ADGRL3: variants seen among roughly 807,000 people sequenced by gnomAD.
ADGRL3 encodes adhesion G protein-coupled receptor L3.
ADGRL3 carries 62 observed loss-of-function variants against 153.5 expected under a neutral mutation model. That is an observed-to-expected ratio of 0.40 (90% CI 0.33 to 0.50). The LOEUF (loss-of-function observed/expected upper bound fraction) is 0.50, where lower values mean the gene tolerates loss of function less well. Among genes scored for constraint, ADGRL3 ranks in the 20% least tolerant of loss-of-function variants. The pLI is 0.47. For synonymous variants in ADGRL3, 710 were observed against 672.5 expected, an observed-to-expected ratio of 1.06 and a Z score of -0.86; for missense variants, 1,641 against 1,859.4, an observed-to-expected ratio of 0.88 and a Z score of 2.16.
intron 1 of ADGRL3, among the ~76,000 whole-genome samples, chr4:61,208,790 A>G (rs1204338893): frequency 2.0e-5 from 3 of 152,160 alleles, no homozygotes; most frequent in Non-Finnish European, 2.9e-5. Flanking sequence ...TAGAGAGGAA[A>G]TCACTTTTCT....
chr4:61,625,470 C>T (rs1414030327), intron 5 of ADGRL3, among the ~76,000 whole-genome samples: 1 of 151,770 alleles, frequency 6.6e-6, no homozygotes, highest in East Asian at 1.9e-4. Flanking sequence ...ACATTCATAC[C>T]AACATGAATT....
intron 5 of ADGRL3, among the ~76,000 whole-genome samples, chr4:61,669,106 T>C (rs2094905407): frequency 6.6e-6 from 1 of 152,220 alleles, no homozygotes; most frequent in South Asian, 2.1e-4. Flanking sequence ...GTGGACAACG[T>C]CATTAAACTT....
chr4:61,405,825 T>C (rs1018824242), intron 2 of ADGRL3, among the ~76,000 whole-genome samples: 1 of 151,936 alleles, frequency 6.6e-6, no homozygotes, highest in Admixed American at 6.6e-5. Flanking sequence ...TGCGTAGTGG[T>C]CAGCCACAAT....
At chr4:61,510,210 G>T (rs1320849615) in intron 3 of ADGRL3, among the ~76,000 whole-genome samples, 1 of 152,258 alleles carries the variant, frequency 6.6e-6, no homozygotes, top group Non-Finnish European at 1.5e-5. Flanking sequence ...TCTGTGGGTT[G>T]TCTGTTTACT....
intron 8 of ADGRL3, among the ~76,000 whole-genome samples, chr4:61,794,729 T>G (rs1373787346): frequency 6.6e-6 from 1 of 152,200 alleles, no homozygotes; most frequent in Non-Finnish European, 1.5e-5. Context: ...ATTGACTGAC[T>G]TAAAGAATAG....
At chr4:61,801,809 A>G (rs1415241743) in intron 8 of ADGRL3, among the ~76,000 whole-genome samples, 1 of 152,170 alleles carries the variant, frequency 6.6e-6, no homozygotes, top group Non-Finnish European at 1.5e-5. Flanking sequence ...ACACAACAGT[A>G]CCTCAAACAT....
intron 1 of ADGRL3, among the ~76,000 whole-genome samples, chr4:61,231,298 G>A (rs534473984): frequency 1.2e-4 from 19 of 152,028 alleles, no homozygotes; most frequent in Admixed American, 3.3e-4. Flanking sequence ...TTATACTTGC[G>A]GATGTCACTG....
At chr4:61,924,647 C>G (rs751299116) in intron 13 of ADGRL3, among the ~76,000 whole-genome samples, 1 of 152,120 alleles carries the variant, frequency 6.6e-6, no homozygotes, top group South Asian at 2.1e-4. Flanking sequence ...AAACACATGC[C>G]GTTTTAAGGT....
At chr4:61,432,645 T>C (rs1467271674) in intron 2 of ADGRL3, among the ~76,000 whole-genome samples, 3 of 80,760 alleles carry the variant, frequency 3.7e-5, no homozygotes, top group African/African-American at 1.0e-4. Context: ...TTTCTTTCTT[T>C]CTTTCTTTCT....
chr4:61,800,886 A>G (rs961525549), intron 8 of ADGRL3, among the ~76,000 whole-genome samples: 2 of 152,184 alleles, frequency 1.3e-5, no homozygotes, highest in African/African-American at 2.4e-5. Flanking sequence ...TTTTCTTTAA[A>G]GGTACACTTT....
At chr4:61,389,963 TA>T (rs2096783314) in intron 2 of ADGRL3, among the ~76,000 whole-genome samples, 2 of 152,170 alleles carry the variant, frequency 1.3e-5, no homozygotes, top group South Asian at 4.1e-4. Flanking sequence ...AAATGGAGTG[TA>T]TACAAAACAA....
chr4:61,246,650 C>T (rs761838796), intron 1 of ADGRL3, among the ~76,000 whole-genome samples: 4 of 151,156 alleles, frequency 2.6e-5, no homozygotes, highest in Non-Finnish European at 5.9e-5. Context: ...TTGTGTTTTC[C>T]AGCAAAAATG....
At position 62,028,871 on chromosome 4, in the gene ADGRL3, C is replaced by A. The variant is rs757222930; in HGVS notation, c.3412C>A (p.Pro1138Thr). Residue 1138 changes from proline (P) to threonine (T), a missense_variant, in exon 22 of 27, where the codon CCC becomes ACC. By Grantham distance (38) the Pro-to-Thr change is conservative. Transcript: ENST00000683033. The stretch of plus-strand genomic sequence containing the variant: ...ATTCTTTAGCTATGAGGATAACAGA[C>A]CCTTCATCAAGTAAGAATGACCTGA... ...LDNINYEDNR[P>T]FIKSWVIGAI... is the part of the protein sequence containing the mutation. 2.5e-6 allele frequency: 4 copies of A among 1,605,816 alleles called. No individual in the cohort carries two copies. The South Asian group carries it at 4.4e-5, about 18-fold the overall frequency.
chr4:61,497,465 G>A, intron 3 of ADGRL3, 117 bp downstream of exon 3: 4 of 531,516 alleles, frequency 7.5e-6, no homozygotes, highest in Non-Finnish European at 1.3e-5. Flanking sequence ...TCATATGTTA[G>A]TATGAGTAAG....
chr4:61,701,879 G>A (rs560556923), intron 6 of ADGRL3, among the ~76,000 whole-genome samples: 143 of 152,208 alleles, frequency 9.4e-4, no homozygotes, highest in African/African-American at 3.4e-3. Context: ...GAAAAGTCTT[G>A]AGTTGTTAGG....
At position 61,568,967 on chromosome 4, in the gene ADGRL3, T is replaced by A. The variant is rs74440865; in HGVS notation, c.260-18260T>A. Among the ~76,000 whole-genome samples the A allele has an allele frequency of 5.0e-3, 759 of 152,244 alleles. 10 individuals are homozygous for A. The highest frequency in any genetic ancestry group is 0.016 in the African/African-American group (683 of 41,550). ...GCATAATGAAGTCAGTTTAATGGAA[T>A]CAGATGAGAATTATTTTGATGAACC... On this transcript the variant is annotated intron_variant, in intron 4 of 26. Coordinates refer to ENST00000683033, the MANE Select transcript of ADGRL3 (RefSeq NM_001387552.1).
At chr4:61,809,422 T>C (rs1355700239) in intron 8 of ADGRL3, among the ~76,000 whole-genome samples, 2 of 152,194 alleles carry the variant, frequency 1.3e-5, no homozygotes, top group African/African-American at 4.8e-5. Flanking sequence ...TTTAGTTCTT[T>C]AAGTCTTACT....
At chr4:61,248,083 G>T (rs1002026551) in intron 1 of ADGRL3, among the ~76,000 whole-genome samples, 2 of 152,046 alleles carry the variant, frequency 1.3e-5, no homozygotes, top group Admixed American at 6.6e-5. Context: ...AGGTTTAGAG[G>T]GGCGAACTGC....
intron 5 of ADGRL3, among the ~76,000 whole-genome samples, chr4:61,629,234 C>T (rs1248927879): frequency 6.6e-6 from 1 of 152,104 alleles, no homozygotes; most frequent in Non-Finnish European, 1.5e-5. Context: ...GATGCTGATA[C>T]TATTAGAAAT....
Sources: allele counts gnomAD v4.1 joint callset (sites outside exome capture counted in the v4.1 genomes callset), GRCh38; gene constraint gnomAD v4.1.1; transcripts MANE v1.5; gene names NCBI Gene and HGNC (gene_info 2026-07-23, HGNC 2026-07-21).